The following BACE2 variants were observed in gnomAD, a reference collection of about 807,000 sequenced individuals.
BACE2 encodes the protein beta-secretase 2.
BACE2 carries 17 observed loss-of-function variants against 46.2 expected under a neutral mutation model. The observed-to-expected ratio is 0.37, with a 90% CI of 0.25 to 0.55. The LOEUF is 0.55. BACE2 is among the 20% of genes least tolerant of loss of function. BACE2 has a pLI of 0.82. For synonymous variants in BACE2, 277 were observed against 295.9 expected (o/e 0.94, Z 0.66); for missense variants, 595 against 698.1 (o/e 0.85, Z 1.66).
chr21:41,214,086 A>T (rs1320587080), intron 1 of BACE2, among the ~76,000 whole-genome samples: 3 of 152,210 alleles, frequency 2.0e-5, no homozygotes, highest in African/African-American at 7.2e-5. Flanking sequence ...CACGTGTCAC[A>T]GCATTTACTT....
intron 5 of BACE2, among the ~76,000 whole-genome samples, chr21:41,244,234 A>G (rs1987389343): frequency 6.6e-6 from 1 of 152,168 alleles, no homozygotes; most frequent in Admixed American, 6.5e-5. Context: ...TCACATCCCA[A>G]CATCAATTCT....
At chr21:41,185,557 A>G (rs1242688587) in intron 1 of BACE2, among the ~76,000 whole-genome samples, 1 of 152,372 alleles carries the variant, frequency 6.6e-6, no homozygotes, top group East Asian at 1.9e-4. Flanking sequence ...CTATTAGGAA[A>G]ATAATACTCC....
intron 1 of BACE2, among the ~76,000 whole-genome samples, chr21:41,212,645 G>A (rs537616748): frequency 6.6e-6 from 1 of 152,256 alleles, no homozygotes; most frequent in South Asian, 2.1e-4. Context: ...TGTTTGCCTG[G>A]GGAGTAAGGG....
At chr21:41,221,331 A>G (rs554021981) in intron 1 of BACE2, among the ~76,000 whole-genome samples, 34 of 152,304 alleles carry the variant, frequency 2.2e-4, no homozygotes, top group African/African-American at 7.7e-4. Flanking sequence ...AATGGCACTT[A>G]GTACATTAGG....
chr21:41,265,431 A>G (rs376291661), intron 8 of BACE2, among the ~76,000 whole-genome samples: 2 of 152,176 alleles, frequency 1.3e-5, no homozygotes, highest in South Asian at 4.1e-4. Flanking sequence ...TAGAGCTTAT[A>G]TTCATCGATA....
intron 2 of BACE2, among the ~76,000 whole-genome samples, chr21:41,227,999 G>A (rs905489238): frequency 4.6e-5 from 7 of 152,268 alleles, no homozygotes; most frequent in South Asian, 2.1e-4. Flanking sequence ...TGATTCCTGC[G>A]GCACAGGAGT....
At chr21:41,218,377 G>C (rs970932059) in intron 1 of BACE2, among the ~76,000 whole-genome samples, 3 of 152,166 alleles carry the variant, frequency 2.0e-5, no homozygotes, top group Non-Finnish European at 4.4e-5. Flanking sequence ...CATTCTTCAA[G>C]TGTAAAGGCC....
In BACE2 at chr21:41,275,676, C is replaced by A; in HGVS notation, c.*52C>A. The A allele has an allele frequency of 6.3e-7, 1 of 1,595,182 alleles. No individual in the cohort carries two copies. The highest frequency in any genetic ancestry group is 8.6e-7 in the Non-Finnish European group (1 of 1,168,874). On this transcript the variant is annotated 3_prime_UTR_variant, in exon 9 of 9. Coordinates refer to ENST00000330333, the MANE Select transcript of BACE2 (RefSeq NM_012105.5). ...ATGAACTCAGCTATTAAGAAAATCACATTTCCAGGGCAGCAGCCGGGATCG... is the reference window on the plus strand; with the variant it reads ...ATGAACTCAGCTATTAAGAAAATCAAATTTCCAGGGCAGCAGCCGGGATCG...
chr21:41,226,191 A>C, intron 1 of BACE2, 75 bp from the exon 2 acceptor site: 1 of 1,149,392 alleles, frequency 8.7e-7, no homozygotes, highest in Non-Finnish European at 1.3e-6. Flanking sequence ...AGTTTTAAAA[A>C]CATTATTCAA....
At position 41,281,763 on chromosome 21, in the gene BACE2, A is replaced by G. The variant is rs2088551709; in HGVS notation, c.*6139A>G. 6.6e-6 allele frequency: 1 copy of G among 152,244 alleles called. No homozygotes were observed. Among genetic ancestry groups the G allele is most frequent in the Non-Finnish European group, 1.5e-5 (1 of 68,040 alleles). 9.4% of individuals were successfully genotyped at this position (152,244 alleles called of 1,614,324 possible). A position where few individuals can be genotyped will look rare whatever the true frequency, so the allele number is the denominator to read the frequency against. Reference sequence around the variant, plus strand: ...AATAACATTTCTTAACAAATTTAATACAATTTTGTGTTCTTTGTTGCTAGT... The same window carrying G: ...AATAACATTTCTTAACAAATTTAATGCAATTTTGTGTTCTTTGTTGCTAGT... On this transcript the variant is annotated 3_prime_UTR_variant, in exon 9 of 9. Coordinates refer to ENST00000330333, the MANE Select transcript of BACE2 (RefSeq NM_012105.5).
chr21:41,258,279 C>T (rs924050328), intron 8 of BACE2, among the ~76,000 whole-genome samples: 5 of 152,100 alleles, frequency 3.3e-5, no homozygotes, highest in Admixed American at 3.3e-4. Context: ...TAGAATAGAA[C>T]AAAATTTGGG....
chr21:41,192,188 T>C (rs938061795), intron 1 of BACE2, among the ~76,000 whole-genome samples: 1 of 152,198 alleles, frequency 6.6e-6, no homozygotes, highest in African/African-American at 2.4e-5. Flanking sequence ...CTGCATATCA[T>C]GCAGAACCAT....
chr21:41,263,530 G>T (rs571088208), intron 8 of BACE2, among the ~76,000 whole-genome samples: 30 of 152,252 alleles, frequency 2.0e-4, no homozygotes, highest in Admixed American at 1.7e-3. Context: ...TGTGCTTTTG[G>T]ATGTCTTTTA....
At chr21:41,188,426 A>G (rs987595254) in intron 1 of BACE2, among the ~76,000 whole-genome samples, 3 of 152,200 alleles carry the variant, frequency 2.0e-5, no homozygotes, top group African/African-American at 7.2e-5. Context: ...CCAGAGTCCA[A>G]GGAAGCTGAG....
chr21:41,258,776 C>T (rs75748434), intron 8 of BACE2, among the ~76,000 whole-genome samples: 3,126 of 152,258 alleles, frequency 0.021, 67 homozygotes, highest in Middle Eastern at 0.048. Context: ...ATATCTGTGC[C>T]GACGTATTTC....
At chr21:41,275,207 C>T (rs990463289) in intron 8 of BACE2, among the ~76,000 whole-genome samples, 164 bp from the exon 9 acceptor site, 5 of 152,180 alleles carry the variant, frequency 3.3e-5, no homozygotes, top group Admixed American at 1.3e-4. Flanking sequence ...CCCAAAGGCA[C>T]GCTGAGCCGT....
chr21:41,172,313 T>C (rs151301708), intron 1 of BACE2, among the ~76,000 whole-genome samples: 1 of 152,348 alleles, frequency 6.6e-6, no homozygotes, highest in African/African-American at 2.4e-5. Flanking sequence ...GACAGGAGTC[T>C]GAGAAATAGT....
chr21:41,200,196 A>C (rs1443817106), intron 1 of BACE2, among the ~76,000 whole-genome samples: 3 of 147,740 alleles, frequency 2.0e-5, no homozygotes, highest in African/African-American at 5.2e-5. Context: ...TAATTAAAAA[A>C]AAAAACAAAA....
chr21:41,245,925 T>C (rs757143920), intron 5 of BACE2, 37 bp from the exon 6 acceptor site: 36 of 1,516,978 alleles, frequency 2.4e-5, no homozygotes, highest in Middle Eastern at 1.8e-4. Context: ...AGCGCCACTG[T>C]CACTCACGCA....
Sources: gnomAD v4.1 joint callset for allele counts (sites outside exome capture counted in the v4.1 genomes callset) on GRCh38, gnomAD v4.1.1 for gene constraint, MANE v1.5 for transcripts, NCBI Gene and HGNC (gene_info 2026-07-23, HGNC 2026-07-21) for gene names.